Variants in SYNPR observed in about 807,000 individuals in gnomAD.
The protein encoded by SYNPR is synaptoporin.
A neutral mutation model predicts 32.9 loss-of-function variants in SYNPR; 23 were observed. The ratio of observed to expected loss-of-function variants is 0.70; its 90% CI spans 0.50 to 0.99. The LOEUF is 0.99. Among genes scored for constraint, SYNPR ranks in the 50% least tolerant of loss-of-function variants. The pLI is 0.00. For missense variants in SYNPR, 318 were observed against 349.3 expected, an observed-to-expected ratio of 0.91 and a Z score of 0.71; for synonymous variants, 146 against 135.9, an observed-to-expected ratio of 1.07 and a Z score of -0.52.
Position 63,564,495 on chromosome 3 carries a change from G to GGT in SYNPR, c.408+7775_408+7776dup, listed in dbSNP as rs34157684. ...CAGGTGTGAGCCACCGTGCCCAGCC[G>GGT]GTGTGTGTGTGTGTGTGTGTGTCTC... On this transcript the variant is annotated intron_variant, in intron 4 of 5. Coordinates refer to ENST00000478300, the MANE Select transcript of SYNPR (RefSeq NM_001130003.2). 5.9e-3 allele frequency among the ~76,000 whole-genome samples: 884 copies of GGT among 149,894 alleles called. 3 individuals are homozygous for GGT. Among genetic ancestry groups the GGT allele is most frequent in the African/African-American group, 0.013 (540 of 40,780 alleles).
At chr3:63,354,971 A>G (rs1201360699) in intron 2 of SYNPR, among the ~76,000 whole-genome samples, 1 of 152,178 alleles carries the variant, frequency 6.6e-6, no homozygotes, top group Non-Finnish European at 1.5e-5. Context: ...ACAAATGAAG[A>G]GTATCTTACC....
intron 4 of SYNPR, among the ~76,000 whole-genome samples, chr3:63,597,185 G>A (rs1297998458): frequency 2.6e-5 from 4 of 152,014 alleles, no homozygotes; most frequent in African/African-American, 7.2e-5. Context: ...TTCTTCAGGC[G>A]TCCTCATTCC....
At chr3:63,343,391 G>A (rs560246449) in intron 2 of SYNPR, among the ~76,000 whole-genome samples, 57 of 152,310 alleles carry the variant, frequency 3.7e-4, no homozygotes, top group Non-Finnish European at 6.2e-4. Flanking sequence ...ATGAAGTCAT[G>A]TTATGAAGTT....
intron 2 of SYNPR, among the ~76,000 whole-genome samples, chr3:63,478,912 C>A (rs1266090783): frequency 2.0e-5 from 3 of 152,104 alleles, no homozygotes; most frequent in African/African-American, 7.2e-5. Context: ...AAGCATTGAA[C>A]CATTAAAATC....
chr3:63,230,677 T>C (rs2086160014), intron 1 of SYNPR, among the ~76,000 whole-genome samples: 2 of 152,316 alleles, frequency 1.3e-5, no homozygotes, highest in South Asian at 4.1e-4. Flanking sequence ...CTTCTACCTC[T>C]AGTTTGTAAT....
At position 63,388,490 on chromosome 3, in the gene SYNPR, C is replaced by T. The variant is rs372723950; in HGVS notation, c.85-92342C>T. On this transcript the variant is annotated intron_variant, in intron 2 of 5. Transcript: ENST00000478300. ...GCAACCTCCACCTCCTGGGTTCAAG[C>T]GATTCTCCTGCCTAAGCCTCCTGAG... Among the ~76,000 whole-genome samples, 24 of 145,604 alleles carry T rather than the reference C, an allele frequency of 1.6e-4. No individual in the cohort carries two copies. The East Asian group carries it at 2.3e-3, about 14-fold the overall frequency.
At chr3:63,227,252 T>C (rs1232445084), upstream of SYNPR, among the ~76,000 whole-genome samples, 1 of 152,218 alleles carries the variant, frequency 6.6e-6, no homozygotes, top group Non-Finnish European at 1.5e-5. Context: ...AAGATGGCTG[T>C]CTTCGTGTGA....
intron 2 of SYNPR, among the ~76,000 whole-genome samples, chr3:63,371,271 C>G (rs6775035): frequency 0.75 from 114,432 of 151,578 alleles, 44,162 homozygotes; most frequent in East Asian, 0.98. Context: ...ACCGAGAGCT[C>G]TGTGGAGTCT....
intron 2 of SYNPR, among the ~76,000 whole-genome samples, chr3:63,284,135 A>G (rs1484148602): frequency 1.3e-5 from 2 of 152,146 alleles, no homozygotes; most frequent in Non-Finnish European, 2.9e-5. Flanking sequence ...TTGCTACTTT[A>G]GTATTTTGCC....
upstream of SYNPR, among the ~76,000 whole-genome samples, chr3:63,224,738 G>C (rs1010361104): frequency 6.6e-6 from 1 of 152,196 alleles, no homozygotes; most frequent in African/African-American, 2.4e-5. Context: ...GAGAAATTGA[G>C]GAGAGAAGGA....
At chr3:63,361,598 C>CAAA (rs34536474) in intron 2 of SYNPR, among the ~76,000 whole-genome samples, 2 of 78,874 alleles carry the variant, frequency 2.5e-5, no homozygotes, top group Admixed American at 1.4e-4. Context: ...ACTCTGTCTC[C>CAAA]AAAAAAAAAA....
At chr3:63,505,522 G>A (rs905636549) in intron 3 of SYNPR, among the ~76,000 whole-genome samples, 1 of 152,138 alleles carries the variant, frequency 6.6e-6, no homozygotes. Flanking sequence ...TTGGAGCCAA[G>A]TGGAGGGTAG....
intron 4 of SYNPR, among the ~76,000 whole-genome samples, chr3:63,579,803 ACACACACACACACACACACACG>A (rs776401832): frequency 7.9e-5 from 12 of 151,374 alleles, no homozygotes; most frequent in Non-Finnish European, 1.6e-4. Context: ...ACACACACAC[ACACACACACACACACACACACG>A]CACACACACA....
intron 1 of SYNPR, among the ~76,000 whole-genome samples, chr3:63,228,911 T>C (rs2086148660): frequency 1.3e-5 from 2 of 151,388 alleles, no homozygotes; most frequent in Non-Finnish European, 2.9e-5. Flanking sequence ...CTTGAAATGA[T>C]GCTATTTCAT....
chr3:63,595,993 T>TTA (rs565773030), intron 4 of SYNPR, among the ~76,000 whole-genome samples: 23 of 135,088 alleles, frequency 1.7e-4, no homozygotes, highest in South Asian at 1.6e-3. Flanking sequence ...ATATATAGTT[T>TTA]TATATATATA....
intron 3 of SYNPR, among the ~76,000 whole-genome samples, chr3:63,522,986 C>A (rs756865738): frequency 5.3e-5 from 8 of 151,956 alleles, no homozygotes; most frequent in Non-Finnish European, 1.2e-4. Context: ...TATGGGGGAG[C>A]ATGAGGAGGC....
chr3:63,533,744 T>C (rs1019377693), intron 3 of SYNPR, among the ~76,000 whole-genome samples: 3 of 152,182 alleles, frequency 2.0e-5, no homozygotes, highest in African/African-American at 7.2e-5. Context: ...CCAGCCATGC[T>C]ATTCAGGGTT....
At chr3:63,549,519 C>T (rs937189444) in intron 3 of SYNPR, among the ~76,000 whole-genome samples, 2 of 152,136 alleles carry the variant, frequency 1.3e-5, no homozygotes, top group Non-Finnish European at 2.9e-5. Context: ...GTTTCCTCCT[C>T]TGTAAAATGG....
At chr3:63,494,480 T>C (rs199727346) in intron 3 of SYNPR, among the ~76,000 whole-genome samples, 1,509 of 116,346 alleles carry the variant, frequency 0.013, 63 homozygotes, top group East Asian at 0.028. Flanking sequence ...CATATATACA[T>C]ATATATACAT....
Sources: allele counts gnomAD v4.1 joint callset (sites outside exome capture counted in the v4.1 genomes callset), GRCh38; gene constraint gnomAD v4.1.1; transcripts MANE v1.5; gene names NCBI Gene and HGNC (gene_info 2026-07-23, HGNC 2026-07-21).